Variants in GIGYF1 observed in about 807,000 individuals in gnomAD.
GIGYF1 encodes the protein GRB10-interacting GYF protein 1.
GIGYF1 carries 84 observed loss-of-function variants against 147.1 expected under a neutral mutation model. That is an observed-to-expected ratio of 0.57 (90% CI 0.48 to 0.68). GIGYF1 has a LOEUF of 0.68. Ranked by LOEUF, GIGYF1 falls within the 30% of genes least tolerant of loss-of-function variation. The pLI is 0.00. For synonymous variants in GIGYF1, 752 were observed against 589.5 expected (o/e 1.28, Z -3.99); for missense variants, 1,485 against 1,393.7 (o/e 1.07, Z -1.04).
In GIGYF1 at chr7:100,694,093, G is replaced by A. The variant is rs1267619697; in HGVS notation, c.-1099+17C>T. ...CTGGGCTGCGGGCCGGGGGCCGCGGGGCCACTGGGCGCTTACCGCGGGCGG... is the reference window on the plus strand; with the variant it reads ...CTGGGCTGCGGGCCGGGGGCCGCGGAGCCACTGGGCGCTTACCGCGGGCGG... On this transcript the variant is annotated intron_variant, in intron 1 of 26. Coordinates refer to ENST00000678049, the MANE Select transcript of GIGYF1 (RefSeq NM_001375765.1). The A allele has an allele frequency of 3.4e-5, 5 of 146,572 alleles. No homozygotes were observed. In the South Asian group the frequency reaches 5.4e-4, roughly 16 times the overall value. 9.1% of individuals were successfully genotyped at this position (146,572 alleles called of 1,614,324 possible).
chr7:100,682,830 G>T, intron 22 of GIGYF1, 53 bp from the exon 23 acceptor site: 1 of 1,484,678 alleles, frequency 6.7e-7, no homozygotes. Context: ...CCAGAAAAGC[G>T]GATGGGGAGG....
chr7:100,685,640 G>A (rs567208815), intron 12 of GIGYF1, among the ~76,000 whole-genome samples, 159 bp from the exon 13 acceptor site: 2 of 152,302 alleles, frequency 1.3e-5, no homozygotes, highest in African/African-American at 4.8e-5. Flanking sequence ...AGGGAATGCG[G>A]TGCCCTGACC....
rs764764287 is a variant in GIGYF1 at position 100,683,568 on chromosome 7, T to G, written c.2034A>C (p.Gln678His). The G allele has an allele frequency of 6.2e-7, 1 of 1,614,016 alleles. No individual in the cohort carries two copies. Among genetic ancestry groups the G allele is most frequent in the African/African-American group, 1.3e-5 (1 of 75,000 alleles). The change falls in exon 20 of 27, where the codon CAA becomes CAC. Residue 678 changes from glutamine to histidine, a missense_variant. Transcript: ENST00000678049. ...CACTCACTTTATGTTGCAGCTGGAG[T>G]TGTTCTAGAATTGGACCCTGAGTCG... ...NSSTQGPILE[Q>H]LQLQHKFQER...
Position 100,683,927 on chromosome 7 carries a change from CA to C in GIGYF1, c.1869-10del. Reference sequence around the variant, plus strand: ...GGTTCTGGTCCCCGCCTCTGAGGAGCAAATTGTGGATTCTTAGGACCCCAAA... The same window carrying C: ...GGTTCTGGTCCCCGCCTCTGAGGAGCAATTGTGGATTCTTAGGACCCCAAA... On this transcript the variant is annotated splice_polypyrimidine_tract_variant and intron_variant, in intron 18 of 26. Transcript: ENST00000678049. 1 of 1,557,666 alleles carries C rather than the reference CA, an allele frequency of 6.4e-7. No individual in the cohort carries two copies. The highest frequency in any genetic ancestry group is 2.4e-5 in the East Asian group (1 of 41,696).
chr7:100,681,816 TC>T, intron 26 of GIGYF1, 45 bp from the exon 27 acceptor site: 2 of 1,605,778 alleles, frequency 1.2e-6, no homozygotes, highest in Non-Finnish European at 1.7e-6. Flanking sequence ...CCTGGGCTCC[TC>T]CTGCCCTGTG....
At position 100,684,545 on chromosome 7, in the gene GIGYF1, G is replaced by A. The variant is rs1203191612; in HGVS notation, c.1534C>T (p.Arg512Trp). The change falls in exon 16 of 27, where the codon CGG becomes TGG. Residue 512 changes from arginine to tryptophan, a missense_variant. Arg to Trp is a moderately radical substitution (Grantham distance 101, BLOSUM62 -3). Transcript: ENST00000678049. ...GYFSMSLLVK[R>W]GCDEGFQPLG... ...GGCTGGAAGCCCTCATCGCAGCCCC[G>A]CTTCACCAGCAGTGACATGGAAAAG... The A allele has an allele frequency of 1.9e-6, 3 of 1,614,084 alleles. No individual in the cohort carries two copies. Among genetic ancestry groups the A allele is most frequent in the Non-Finnish European group, 2.5e-6 (3 of 1,180,030 alleles).
intron 24 of GIGYF1, 32 bp from the exon 25 acceptor site, chr7:100,682,267 C>T: frequency 6.2e-7 from 1 of 1,607,936 alleles, no homozygotes; most frequent in Non-Finnish European, 8.5e-7. Context: ...TCAGGGCCCC[C>T]TGGCCGGGTC....
chr7:100,687,084 G>A, intron 8 of GIGYF1, 38 bp from the exon 9 acceptor site: 9 of 1,613,150 alleles, frequency 5.6e-6, no homozygotes, highest in East Asian at 2.2e-5. Context: ...AAACAGTACA[G>A]CCTCCCCTGC....
intron 25 of GIGYF1, 26 bp from the exon 26 acceptor site, chr7:100,682,019 G>C: frequency 1.9e-6 from 3 of 1,610,034 alleles, no homozygotes; most frequent in African/African-American, 2.7e-5. Context: ...GGAGGGTGAA[G>C]GTCAGGAGGC....
At position 100,684,095 on chromosome 7, in the gene GIGYF1, G is replaced by A. The variant is rs780119618; in HGVS notation, c.1793C>T (p.Pro598Leu). ...CTGCTGCTGCTGTGGCGGCGGCGGT[G>A]GTGGCGGTGTCAGGTCCCCCAGAGC... ...KAALGDLTPP[P>L]PPPPQQQQQQ... is the part of the protein sequence containing the mutation. The change falls in exon 18 of 27, where the codon CCA becomes CTA. Residue 598 changes from proline to leucine, a missense_variant. Physicochemically the swap from Pro to Leu is moderately conservative, Grantham distance 98 (BLOSUM62 -3). Transcript: ENST00000678049. 6.2e-7 allele frequency: 1 copy of A among 1,607,064 alleles called. No homozygotes were observed. The highest frequency in any genetic ancestry group is 8.5e-7 in the Non-Finnish European group (1 of 1,179,656).
chr7:100,683,698 C>A (rs530945412), intron 19 of GIGYF1, 66 bp from the exon 20 acceptor site: 19 of 1,561,668 alleles, frequency 1.2e-5, no homozygotes, highest in Admixed American at 1.7e-5. Flanking sequence ...CTAGTCCAGC[C>A]GCAGCAGTGG....
rs1805184961 is a variant in GIGYF1 at position 100,685,046 on chromosome 7, C to A, written c.1290+3G>T. The stretch of plus-strand genomic sequence containing the variant: ...TCCCTCCCGCTTTCTCAGGCCCCCA[C>A]ACCTGCTGCAGGTGCTTCAAGCCTT... On this transcript the variant is annotated splice_donor_region_variant and intron_variant, in intron 14 of 26. Coordinates refer to ENST00000678049, the MANE Select transcript of GIGYF1 (RefSeq NM_001375765.1). 6.4e-7 allele frequency: 1 copy of A among 1,564,886 alleles called. No homozygotes were observed. The highest frequency in any genetic ancestry group is 8.7e-7 in the Non-Finnish European group (1 of 1,153,508).
rs149131812 is a variant in GIGYF1, at chr7:100,682,096, G to C, written c.2901C>G (p.Ala967=). Residue 967 remains alanine, a synonymous_variant, in exon 25 of 27, where the codon GCC becomes GCG. Transcript: ENST00000678049. The part of the protein sequence containing the change: ...QFLERRAKQK[A]SQQRQQQQEA... Reference sequence around the variant, plus strand: ...CCTGCTGCTGCTGCCGCTGCTGGCTGGCTTTCTGCTTGGCCCTCCGCTCCA... The same window carrying C: ...CCTGCTGCTGCTGCCGCTGCTGGCTCGCTTTCTGCTTGGCCCTCCGCTCCA... 6.2e-7 allele frequency: 1 copy of C among 1,613,550 alleles called. No individual in the cohort carries two copies. The highest frequency in any genetic ancestry group is 1.6e-4 in the Middle Eastern group (1 of 6,062).
At chr7:100,691,134 C>G (rs1478660083) in intron 1 of GIGYF1, among the ~76,000 whole-genome samples, 2 of 152,222 alleles carry the variant, frequency 1.3e-5, no homozygotes, top group Admixed American at 6.5e-5. Context: ...CACCTGCAGG[C>G]CACCATGGGG....
Position 100,684,703 on chromosome 7 carries a change from C to T in GIGYF1, c.1462+20G>A, listed in dbSNP as rs1385601696. ...TGAACCAGAACGGCCTTGAGCAGCC[C>T]TCCCATCCCACACAGGTACCTTGGA... On this transcript the variant is annotated intron_variant, in intron 15 of 26. Transcript: ENST00000678049. The T allele has an allele frequency of 1.2e-6, 2 of 1,610,822 alleles. No homozygotes were observed. The highest frequency in any genetic ancestry group is 1.7e-6 in the Non-Finnish European group (2 of 1,177,920).
At chr7:100,686,134 AGGACCCC>A (rs1562878791) in intron 11 of GIGYF1, 39 bp downstream of exon 11, 9 of 1,600,794 alleles carry the variant, frequency 5.6e-6, no homozygotes, top group Non-Finnish European at 7.7e-6. Flanking sequence ...GGGGAGGAAG[AGGACCCC>A]GGAAGGGCAG....
chr7:100,684,536 C>T lies in GIGYF1; in HGVS notation c.1543G>A (p.Asp515Asn). Residue 515 changes from aspartate (D) to asparagine (N), a missense_variant, in exon 16 of 27, where the codon GAT (aspartate) becomes AAT (asparagine). By Grantham distance (23) the Asp-to-Asn change is conservative (BLOSUM62 1). Coordinates refer to ENST00000678049, the MANE Select transcript of GIGYF1 (RefSeq NM_001375765.1). ...TCGCCCAGCGGCTGGAAGCCCTCAT[C>T]GCAGCCCCGCTTCACCAGCAGTGAC... ...SMSLLVKRGC[D>N]EGFQPLGEVI... 1.2e-6 allele frequency: 2 copies of T among 1,614,072 alleles called. No homozygotes were observed. The highest frequency in any genetic ancestry group is 1.7e-6 in the Non-Finnish European group (2 of 1,180,036).
At position 100,683,908 on chromosome 7, in the gene GIGYF1, G is replaced by A; in HGVS notation, c.1879C>T (p.Gln627Ter). The A allele has an allele frequency of 6.4e-7, 1 of 1,554,390 alleles. No individual in the cohort carries two copies. Residue 627 changes from glutamine to a stop codon, truncating the protein, a stop_gained, in exon 19 of 27, where the codon CAG (glutamine) becomes TAG (stop). Coordinates refer to ENST00000678049, the MANE Select transcript of GIGYF1 (RefSeq NM_001375765.1). LOFTEE classifies it high-confidence loss of function. ...CGGCTCATCGTCGGGAGCAGGTTCT[G>A]GTCCCCGCCTCTGAGGAGCAAATTG... Reference protein sequence around the residue: ...QALKPPRGGDQNLLPTMSRSL... With the variant: ...QALKPPRGGD
In GIGYF1 at chr7:100,680,165, C is replaced by CAAAAAAAAAAAAAAAAAAAAAAAAAAAA. The variant is rs60489348; in HGVS notation, c.*1553_*1554insTTTTTTTTTTTTTTTTTTTTTTTTTTTT. On this transcript the variant is annotated 3_prime_UTR_variant, in exon 27 of 27. Transcript: ENST00000678049. Reference sequence around the variant, plus strand: ...CACTGACCTAGTTGCCACTTTGGTGCAAAAAAAAAAAAAAAAAAAAAAAAA... The same window carrying CAAAAAAAAAAAAAAAAAAAAAAAAAAAA: ...CACTGACCTAGTTGCCACTTTGGTGCAAAAAAAAAAAAAAAAAAAAAAAAAAAAAAAAAAAAAAAAAAAAAAAAAAAAA... The CAAAAAAAAAAAAAAAAAAAAAAAAAAAA allele has an allele frequency of 1.4e-5, 1 of 69,640 alleles. No homozygotes were observed. The highest frequency in any genetic ancestry group is 5.6e-4 in the South Asian group (1 of 1,770). The allele number at this position is 69,640 out of a possible 1,614,324, so 4.3% of individuals were successfully genotyped here.
Sources: gnomAD v4.1 joint callset for allele counts (sites outside exome capture counted in the v4.1 genomes callset) on GRCh38, gnomAD v4.1.1 for gene constraint, MANE v1.5 for transcripts, NCBI Gene and HGNC (gene_info 2026-07-23, HGNC 2026-07-21) for gene names.